TSPAN7: variants seen among roughly 807,000 people sequenced by gnomAD.
TSPAN7 encodes tetraspanin 7.
In TSPAN7, 1 loss-of-function variant was observed where a neutral mutation model predicts 17.6. That is an observed-to-expected ratio of 0.06 (90% confidence interval 0.02 to 0.27). The LOEUF is 0.27. Among genes scored for constraint, TSPAN7 ranks in the 10% least tolerant of loss-of-function variants. The pLI, the probability that TSPAN7 is intolerant of heterozygous loss-of-function variation, is 1.00. For missense variants in TSPAN7, 112 were observed against 201.7 expected (o/e 0.56, Z 2.69); for synonymous variants, 78 against 79.0 (o/e 0.99, Z 0.07).
chrX:38,652,511 G>A (rs953646780), intron 1 of TSPAN7, among the ~76,000 whole-genome samples: 1 of 112,366 alleles, frequency 8.9e-6, no homozygotes, highest in African/African-American at 3.2e-5. Flanking sequence ...CCAAAAATCT[G>A]TTTCCCTATA....
At chrX:38,603,052 T>C (rs1315741137) in intron 1 of TSPAN7, among the ~76,000 whole-genome samples, 3 of 112,099 alleles carry the variant, frequency 2.7e-5, no homozygotes, top group African/African-American at 6.5e-5. Context: ...GTATCAACAA[T>C]ATATGAAGAA....
chrX:38,653,210 C>G (rs948766134), intron 1 of TSPAN7, among the ~76,000 whole-genome samples: 24 of 111,601 alleles, frequency 2.2e-4, no homozygotes, highest in Non-Finnish European at 4.0e-4. Context: ...GAGCACGGTA[C>G]TGCTCAATAA....
At chrX:38,573,808 G>GT (rs887920527) in intron 1 of TSPAN7, among the ~76,000 whole-genome samples, 7 of 111,393 alleles carry the variant, frequency 6.3e-5, no homozygotes, top group Admixed American at 4.8e-4. Context: ...TTTGCCTGAT[G>GT]TTTTTTTCAT....
At chrX:38,680,535 C>G (rs1237272695) in intron 5 of TSPAN7, among the ~76,000 whole-genome samples, 2 of 89,415 alleles carry the variant, frequency 2.2e-5, no homozygotes, top group African/African-American at 8.1e-5. Flanking sequence ...AATATACTTA[C>G]AAATTCTCTC....
Position 38,606,322 on chromosome X carries a change from A to G in TSPAN7, c.81+44695A>G, listed in dbSNP as rs192060783. 6.9e-3 allele frequency among the ~76,000 whole-genome samples: 771 copies of G among 112,482 alleles called. 7 individuals are homozygous for G. Among genetic ancestry groups the G allele is most frequent in the African/African-American group, 0.024 (733 of 31,020 alleles). The stretch of plus-strand genomic sequence containing the variant: ...AGTAGAAATTAGACTAATTCCTTTG[A>G]AAAATATTAAATTCTTAAGACATTA... On this transcript the variant is annotated intron_variant, in intron 1 of 7. Coordinates refer to ENST00000378482, the MANE Select transcript of TSPAN7 (RefSeq NM_004615.4).
intron 1 of TSPAN7, among the ~76,000 whole-genome samples, chrX:38,583,945 T>TTTTC: frequency 9.7e-6 from 1 of 102,894 alleles, no homozygotes; most frequent in African/African-American, 3.8e-5. Flanking sequence ...CTTTTTTTTC[T>TTTTC]TTTCTTTTTT....
At chrX:38,601,736 A>G (rs2069348174) in intron 1 of TSPAN7, among the ~76,000 whole-genome samples, 1 of 111,720 alleles carries the variant, frequency 9.0e-6, no homozygotes, top group South Asian at 3.7e-4. Flanking sequence ...TGAAGACAAT[A>G]ATTTATTTGT....
intron 6 of TSPAN7, among the ~76,000 whole-genome samples, chrX:38,681,959 C>T (rs2069895261): frequency 8.9e-6 from 1 of 111,738 alleles, no homozygotes; most frequent in African/African-American, 3.3e-5. Context: ...ATGTAGCCCA[C>T]GTCCACCAGG....
In TSPAN7 at chrX:38,568,756, CCTATTTGGATGT is replaced by C. The variant is rs780060673; in HGVS notation, c.81+7130_81+7141del. On this transcript the variant is annotated intron_variant, in intron 1 of 7. Coordinates refer to ENST00000378482, the MANE Select transcript of TSPAN7 (RefSeq NM_004615.4). Reference sequence around the variant, plus strand: ...TTTCTTTACCTTCATTTTTTTCTGTCCTATTTGGATGTTGGACCTCCTAGACTAATCCTCTAA... The same window carrying C: ...TTTCTTTACCTTCATTTTTTTCTGTCTGGACCTCCTAGACTAATCCTCTAA... 7.9e-3 allele frequency among the ~76,000 whole-genome samples: 876 copies of C among 110,338 alleles called. 2 individuals are homozygous for C. Among genetic ancestry groups the C allele is most frequent in the Non-Finnish European group, 0.013 (680 of 52,602 alleles).
chrX:38,574,552 T>C (rs2069184323), intron 1 of TSPAN7, among the ~76,000 whole-genome samples: 1 of 111,764 alleles, frequency 8.9e-6, no homozygotes, highest in Non-Finnish European at 1.9e-5. Flanking sequence ...AATCCTATCT[T>C]GGGTCATAAA....
rs2069934044 is a variant in TSPAN7 at position 38,687,652 on chromosome X, G to A, written c.735G>A (p.Gln245=). ...TGTCCCGGTTCATCACGGCCAATCA[G>A]TATGAGATGGTGTAAGGAGAAGGTA... ...CCLSRFITAN[Q]YEMV Residue 245 remains glutamine (Q), a synonymous_variant, in exon 7 of 8, where the codon CAG becomes CAA. Coordinates refer to ENST00000378482, the MANE Select transcript of TSPAN7 (RefSeq NM_004615.4). 2 of 1,210,527 alleles carry A rather than the reference G, an allele frequency of 1.7e-6. No individual in the cohort carries two copies.
At position 38,688,560 on chromosome X, in the gene TSPAN7, G is replaced by C. The variant is rs1440830647; in HGVS notation, c.*629G>C. The stretch of plus-strand genomic sequence containing the variant: ...TGAACTTGAGGTGGCCTCCTTGCTT[G>C]TTACATACCTGGGTATGTGTAGGCA... On this transcript the variant is annotated 3_prime_UTR_variant, in exon 8 of 8. Transcript: ENST00000378482. 8.9e-6 allele frequency: 1 copy of C among 112,774 alleles called. No homozygotes were observed. The highest frequency in any genetic ancestry group is 1.9e-5 in the Non-Finnish European group (1 of 53,315). 9.3% of individuals were successfully genotyped at this position (112,774 alleles called of 1,213,427 possible).
intron 1 of TSPAN7, among the ~76,000 whole-genome samples, chrX:38,647,043 A>T (rs1205537913): frequency 1.8e-5 from 2 of 112,025 alleles, no homozygotes; most frequent in African/African-American, 6.5e-5. Context: ...GAAAATAGGC[A>T]TCAAAGTTTG....
At position 38,688,375 on chromosome X, in the gene TSPAN7, C is replaced by T. The variant is rs1368299986; in HGVS notation, c.*444C>T. Reference sequence around the variant, plus strand: ...TGCCACACACCTTTAAGTAGATAAGCAGACGATAGTTATCTGTTCTTTTGA... The same window carrying T: ...TGCCACACACCTTTAAGTAGATAAGTAGACGATAGTTATCTGTTCTTTTGA... On this transcript the variant is annotated 3_prime_UTR_variant, in exon 8 of 8. Transcript: ENST00000378482. 8.8e-6 allele frequency: 1 copy of T among 113,423 alleles called. No individual in the cohort carries two copies. The highest frequency in any genetic ancestry group is 1.9e-5 in the Non-Finnish European group (1 of 53,467). 9.3% of individuals were successfully genotyped at this position (113,423 alleles called of 1,213,427 possible).
At chrX:38,602,587 T>A (rs2069352407) in intron 1 of TSPAN7, among the ~76,000 whole-genome samples, 1 of 112,257 alleles carries the variant, frequency 8.9e-6, no homozygotes, top group African/African-American at 3.2e-5. Flanking sequence ...AAACATTCAA[T>A]TTAACCAGTA....
intron 1 of TSPAN7, among the ~76,000 whole-genome samples, chrX:38,638,878 C>A (rs1417103272): frequency 2.7e-5 from 3 of 110,415 alleles, no homozygotes; most frequent in African/African-American, 9.9e-5. Flanking sequence ...CAAGGCTTTT[C>A]TCTGGAATGC....
chrX:38,644,185 T>C (rs760809610), intron 1 of TSPAN7, among the ~76,000 whole-genome samples: 1 of 111,972 alleles, frequency 8.9e-6, no homozygotes, highest in South Asian at 3.7e-4. Flanking sequence ...TAGGCTAAAA[T>C]TATTCTGAGT....
At chrX:38,684,968 T>C (rs908937590) in intron 6 of TSPAN7, among the ~76,000 whole-genome samples, 2 of 111,850 alleles carry the variant, frequency 1.8e-5, no homozygotes, top group Non-Finnish European at 3.8e-5. Flanking sequence ...CAAAAAGACT[T>C]CAGTCTGTGA....
At chrX:38,629,083 T>C (rs1304576161) in intron 1 of TSPAN7, among the ~76,000 whole-genome samples, 1 of 112,678 alleles carries the variant, frequency 8.9e-6, no homozygotes, top group Admixed American at 9.4e-5. Flanking sequence ...AGTACCCACA[T>C]TAAAAAGTAA....
Sources: gnomAD v4.1 joint callset for allele counts (sites outside exome capture counted in the v4.1 genomes callset) on GRCh38, gnomAD v4.1.1 for gene constraint, MANE v1.5 for transcripts, NCBI Gene and HGNC (gene_info 2026-07-23, HGNC 2026-07-21) for gene names.